RBFOX1: variants seen among roughly 807,000 people sequenced by gnomAD.
RBFOX1 encodes RNA binding fox-1 homolog 1, also known as RNA binding protein fox-1 homolog 1.
In RBFOX1, 8 loss-of-function variants were observed where a neutral mutation model predicts 57.7. That is an observed-to-expected ratio of 0.14 (90% CI 0.08 to 0.25). The LOEUF is 0.25. RBFOX1 is among the 10% of genes least tolerant of loss of function. The probability of loss-of-function intolerance (pLI) is 1.00; values close to 1 mark genes in which losing one functional copy is unlikely to be tolerated. For missense variants in RBFOX1, 611 were observed against 548.5 expected (o/e 1.11, Z -1.14); for synonymous variants, 326 against 222.4 (o/e 1.47, Z -4.15).
chr16:5,677,966 T>A (rs946587816), intron 3 of RBFOX1, among the ~76,000 whole-genome samples: 3 of 152,232 alleles, frequency 2.0e-5, no homozygotes, highest in East Asian at 3.9e-4. Flanking sequence ...CTATGTCAGA[T>A]GCTCATGGTG....
chr16:7,207,963 C>T (rs1203737040), intron 4 of RBFOX1, among the ~76,000 whole-genome samples: 1 of 152,168 alleles, frequency 6.6e-6, no homozygotes, highest in East Asian at 1.9e-4. Context: ...TCTCAGTTAC[C>T]TTTATTGTGA....
intron 1 of RBFOX1, among the ~76,000 whole-genome samples, chr16:6,181,981 A>G (rs749409190): frequency 1.3e-5 from 2 of 152,276 alleles, no homozygotes; most frequent in East Asian, 1.9e-4. Flanking sequence ...AAAGCATTTT[A>G]TATCATTTCT....
intron 2 of RBFOX1, among the ~76,000 whole-genome samples, chr16:6,645,241 A>G (rs992909393): frequency 1.3e-5 from 2 of 152,178 alleles, no homozygotes; most frequent in Non-Finnish European, 2.9e-5. Flanking sequence ...AAGACCCTTA[A>G]TTATGTCTGC....
At chr16:6,561,844 G>A (rs552887991) in intron 2 of RBFOX1, among the ~76,000 whole-genome samples, 1 of 152,262 alleles carries the variant, frequency 6.6e-6, no homozygotes, top group African/African-American at 2.4e-5. Context: ...GGCCTTGGAG[G>A]AATCCACAAG....
At chr16:6,167,549 C>T (rs929663990) in intron 1 of RBFOX1, among the ~76,000 whole-genome samples, 1 of 152,138 alleles carries the variant, frequency 6.6e-6, no homozygotes, top group Non-Finnish European at 1.5e-5. Flanking sequence ...TTTGGATGCC[C>T]ATCTTATCTA....
chr16:6,089,625 T>C (rs952638556), intron 1 of RBFOX1, among the ~76,000 whole-genome samples: 5 of 152,222 alleles, frequency 3.3e-5, no homozygotes, highest in African/African-American at 1.2e-4. Context: ...TCTTTTGTGT[T>C]ATCAGCTAAT....
At chr16:6,226,799 T>C (rs2097421698) in intron 1 of RBFOX1, among the ~76,000 whole-genome samples, 1 of 152,030 alleles carries the variant, frequency 6.6e-6, no homozygotes, top group African/African-American at 2.4e-5. Flanking sequence ...TTTCCTGTGA[T>C]AATTCAACAG....
chr16:6,659,682 G>T (rs1478114887), intron 3 of RBFOX1, among the ~76,000 whole-genome samples: 2 of 152,094 alleles, frequency 1.3e-5, no homozygotes, highest in East Asian at 3.9e-4. Context: ...TTTTCAATAT[G>T]GGGCAGGCTT....
At chr16:6,858,462 G>A (rs1567588994) in intron 3 of RBFOX1, among the ~76,000 whole-genome samples, 1 of 152,138 alleles carries the variant, frequency 6.6e-6, no homozygotes, top group Non-Finnish European at 1.5e-5. Flanking sequence ...GAAGGACTTA[G>A]GCATAGCACT....
chr16:6,211,228 CTT>C (rs990122299), intron 1 of RBFOX1, among the ~76,000 whole-genome samples: 4 of 96,842 alleles, frequency 4.1e-5, no homozygotes, highest in Non-Finnish European at 4.2e-5. Context: ...ATCTAGTTAA[CTT>C]TTTTTTTTTT....
chr16:6,064,096 C>T (rs917552904), intron 1 of RBFOX1, among the ~76,000 whole-genome samples: 28 of 152,078 alleles, frequency 1.8e-4, no homozygotes, highest in Admixed American at 1.7e-3. Context: ...CCCTTTTGGT[C>T]AGTACTACCA....
intron 4 of RBFOX1, among the ~76,000 whole-genome samples, chr16:7,509,416 G>GTC (rs1567582370): frequency 2.9e-4 from 41 of 142,656 alleles, no homozygotes; most frequent in African/African-American, 1.2e-3. Context: ...GTGTGTGTGT[G>GTC]TGTGTGTGTG....
At chr16:6,551,299 C>T (rs1055180914) in intron 2 of RBFOX1, among the ~76,000 whole-genome samples, 6 of 152,130 alleles carry the variant, frequency 3.9e-5, no homozygotes, top group Admixed American at 3.3e-4. Context: ...TGGAGCTTTG[C>T]TACTGGGATG....
chr16:5,255,334 A>ATCCATCCATCCATCCATCCC (rs1322918917), intron 1 of RBFOX1, among the ~76,000 whole-genome samples: 1 of 137,018 alleles, frequency 7.3e-6, no homozygotes, highest in Non-Finnish European at 1.6e-5. Flanking sequence ...CCATCCATCC[A>ATCCATCCATCCATCCATCCC]TCCATCCATC....
chr16:7,508,854 G>T (rs1389473122), intron 4 of RBFOX1, among the ~76,000 whole-genome samples: 1 of 152,176 alleles, frequency 6.6e-6, no homozygotes, highest in East Asian at 1.9e-4. Context: ...CTTCCAGTAG[G>T]GGAAGATCTC....
chr16:5,615,256 C>T (rs1244327226), intron 3 of RBFOX1, among the ~76,000 whole-genome samples: 2 of 152,156 alleles, frequency 1.3e-5, no homozygotes, highest in African/African-American at 2.4e-5. Context: ...GTCTCTAATT[C>T]CTGGACTCAA....
chr16:7,402,454 A>T (rs977095654), intron 4 of RBFOX1, among the ~76,000 whole-genome samples: 1 of 152,248 alleles, frequency 6.6e-6, no homozygotes, highest in Non-Finnish European at 1.5e-5. Flanking sequence ...ATAGTATCCC[A>T]TCCTCTTGCA....
At chr16:6,752,197 G>C (rs928925949) in intron 3 of RBFOX1, among the ~76,000 whole-genome samples, 1 of 152,130 alleles carries the variant, frequency 6.6e-6, no homozygotes, top group Non-Finnish European at 1.5e-5. Context: ...GCATGTGCTG[G>C]CTTTGTTCCA....
At chr16:5,467,348 A>C in intron 2 of RBFOX1, 1 of 1,234,788 alleles carries the variant, frequency 8.1e-7, no homozygotes, top group Non-Finnish European at 1.1e-6. Context: ...CTGCAACTTC[A>C]CTGCCCAGGG....
Sources: allele counts gnomAD v4.1 joint callset (sites outside exome capture counted in the v4.1 genomes callset), GRCh38; gene constraint gnomAD v4.1.1; transcripts MANE v1.5; gene names NCBI Gene and HGNC (gene_info 2026-07-23, HGNC 2026-07-21).